FBXW11: variants seen among roughly 807,000 people sequenced by gnomAD.
The protein encoded by FBXW11 is F-box/WD repeat-containing protein 11.
In FBXW11, 19 loss-of-function variants were observed where a neutral mutation model predicts 77.6. That is an observed-to-expected ratio of 0.24 (90% CI 0.17 to 0.36). The LOEUF is 0.36. FBXW11 is among the 10% of genes least tolerant of loss of function. The pLI is 1.00. For synonymous variants in FBXW11, 235 were observed against 249.4 expected (o/e 0.94, Z 0.54); for missense variants, 334 against 704.2 (o/e 0.47, Z 5.95).
chr5:171,884,234 T>C (rs1758724798), intron 7 of FBXW11, among the ~76,000 whole-genome samples: 1 of 152,240 alleles, frequency 6.6e-6, no homozygotes, highest in South Asian at 2.1e-4. Flanking sequence ...GAGATGAGGA[T>C]CCAGTTTCAT....
intron 7 of FBXW11, among the ~76,000 whole-genome samples, chr5:171,884,311 T>A (rs974308355): frequency 6.6e-6 from 1 of 152,208 alleles, no homozygotes; most frequent in Admixed American, 6.5e-5. Flanking sequence ...TTCCCCACTT[T>A]TATATTTTTG....
rs1343183461 is a variant in FBXW11 at position 171,869,680 on chromosome 5, G to A, written c.1530+49C>T. 4 of 1,438,968 alleles carry A rather than the reference G, an allele frequency of 2.8e-6. No individual in the cohort carries two copies. Among genetic ancestry groups the A allele is most frequent in the Non-Finnish European group, 3.8e-6 (4 of 1,042,790 alleles). The allele number at this position is 1,438,968 out of a possible 1,614,324, so 89.1% of individuals were successfully genotyped here. A position where few individuals can be genotyped will look rare whatever the true frequency, so the allele number is the denominator to read the frequency against. On this transcript the variant is annotated intron_variant, in intron 12 of 13. Transcript: ENST00000517395. This position sits in a 1 kb window ranked among gnomAD's most constrained non-coding sequence, Gnocchi z 4.1. ...ACCTAGACAGGACTATCTGCAAATG[G>A]TCATCCTCCAGCACAGGGAACCAAT...
intron 10 of FBXW11, among the ~76,000 whole-genome samples, 195 bp downstream of exon 10, chr5:171,872,677 G>C (rs1446412569): frequency 6.6e-6 from 1 of 152,144 alleles, no homozygotes; most frequent in African/African-American, 2.4e-5. Context: ...GGGGAATCTT[G>C]GAAGAACACC....
In FBXW11 at chr5:171,987,432, A is replaced by G. The variant is rs181125924; in HGVS notation, c.45+19026T>C. ...AACTTCTGCTCGAGCCTCAAAGGGT[A>G]AGTTTTTTTGGGTTTTTTTTGTTTG... is the stretch of plus-strand genomic sequence containing the variant. On this transcript the variant is annotated intron_variant, in intron 1 of 13. Coordinates refer to ENST00000517395, the MANE Select transcript of FBXW11 (RefSeq NM_001378974.1). 4.7e-3 allele frequency among the ~76,000 whole-genome samples: 715 copies of G among 151,992 alleles called. 5 individuals carry two copies. Among genetic ancestry groups the G allele is most frequent in the African/African-American group, 0.016 (682 of 41,472 alleles).
At chr5:171,907,924 C>T (rs879289811) in intron 4 of FBXW11, among the ~76,000 whole-genome samples, 21 of 152,202 alleles carry the variant, frequency 1.4e-4, no homozygotes, top group Middle Eastern at 3.2e-3. Context: ...CACCTTGTGG[C>T]TACTCTGCAA....
intron 10 of FBXW11, among the ~76,000 whole-genome samples, chr5:171,871,859 A>C (rs1055308108): frequency 6.6e-6 from 1 of 152,224 alleles, no homozygotes; most frequent in Non-Finnish European, 1.5e-5. Flanking sequence ...CTATGACTCC[A>C]AAGTAGTTCC....
chr5:171,866,785 C>G lies in FBXW11; in HGVS notation c.*25+1825G>C, dbSNP rs10058252. On this transcript the variant is annotated intron_variant, in intron 13 of 13. Coordinates refer to ENST00000517395, the MANE Select transcript of FBXW11 (RefSeq NM_001378974.1). The stretch of plus-strand genomic sequence containing the variant: ...GAGGTCAGGGGGAGGAGCAATCACT[C>G]AAGAGATCCTTGTCTCCTTCCTCTG... 9.3e-3 allele frequency among the ~76,000 whole-genome samples: 1,409 copies of G among 152,272 alleles called. 25 individuals are homozygous for G. Among genetic ancestry groups the G allele is most frequent in the African/African-American group, 0.032 (1,343 of 41,546 alleles).
intron 2 of FBXW11, among the ~76,000 whole-genome samples, chr5:171,933,130 CAAA>C (rs774171489): frequency 1.1e-4 from 4 of 36,810 alleles, no homozygotes; most frequent in Non-Finnish European, 1.6e-4. Flanking sequence ...GACCTTCTCT[CAAA>C]AAAAAAAAAA....
chr5:171,885,993 A>T (rs1241021638), intron 7 of FBXW11, among the ~76,000 whole-genome samples: 1 of 152,222 alleles, frequency 6.6e-6, no homozygotes, highest in Non-Finnish European at 1.5e-5. Flanking sequence ...CTACTATTCT[A>T]TGTCTTATTA....
At chr5:171,961,834 A>G (rs1049897681) in intron 1 of FBXW11, among the ~76,000 whole-genome samples, 1 of 152,062 alleles carries the variant, frequency 6.6e-6, no homozygotes, top group African/African-American at 2.4e-5. Flanking sequence ...TTTAGTAGAG[A>G]CGGGGTTTCA....
intron 7 of FBXW11, among the ~76,000 whole-genome samples, chr5:171,883,791 T>G (rs529609630): frequency 6.6e-6 from 1 of 152,344 alleles, no homozygotes; most frequent in South Asian, 2.1e-4. Context: ...ATTGACTATT[T>G]TGTATATCTT....
chr5:171,953,814 C>T (rs189878932), intron 2 of FBXW11, among the ~76,000 whole-genome samples: 57 of 152,292 alleles, frequency 3.7e-4, no homozygotes, highest in African/African-American at 1.3e-3. Flanking sequence ...AGGGTTCTTT[C>T]TACCAAGCTA....
chr5:171,962,758 C>A (rs1014932606), intron 1 of FBXW11, among the ~76,000 whole-genome samples: 2 of 152,196 alleles, frequency 1.3e-5, no homozygotes, highest in Non-Finnish European at 2.9e-5. Flanking sequence ...ACCTTGTATT[C>A]TGATTGGCTC....
chr5:171,932,275 A>G (rs1353808706), intron 2 of FBXW11, among the ~76,000 whole-genome samples: 1 of 152,214 alleles, frequency 6.6e-6, no homozygotes, highest in African/African-American at 2.4e-5. Context: ...AGATATACAG[A>G]TGACAAATAA....
intron 1 of FBXW11, among the ~76,000 whole-genome samples, chr5:171,987,293 A>G (rs1434032056): frequency 6.6e-6 from 1 of 152,114 alleles, no homozygotes; most frequent in African/African-American, 2.4e-5. Context: ...CAATACACAG[A>G]ATTACTTACT....
intron 2 of FBXW11, among the ~76,000 whole-genome samples, chr5:171,930,747 T>TAAAAAAAAAAAAAAAAAAA (rs1204789808): frequency 7.2e-5 from 3 of 41,514 alleles, no homozygotes; most frequent in Admixed American, 2.7e-4. Flanking sequence ...AAATAAAAAA[T>TAAAAAAAAAAAAAAAAAAA]AAAAAATAAA....
In FBXW11 at chr5:171,970,216, G is replaced by T. The variant is rs377068261; in HGVS notation, c.46-12518C>A. Among the ~76,000 whole-genome samples, 11 of 152,326 alleles carry T rather than the reference G, an allele frequency of 7.2e-5. No individual in the cohort carries two copies. The East Asian group carries it at 1.7e-3, about 24-fold the overall frequency. On this transcript the variant is annotated intron_variant, in intron 1 of 13. Transcript: ENST00000517395. ...TCCCATTGTAATCCCTCGAAGGAGGGACTTGGTGGGAGGTGACTGGATCAT... is the reference window on the plus strand; with the variant it reads ...TCCCATTGTAATCCCTCGAAGGAGGTACTTGGTGGGAGGTGACTGGATCAT...
intron 1 of FBXW11, among the ~76,000 whole-genome samples, chr5:171,967,354 T>C (rs1328284080): frequency 5.3e-5 from 8 of 152,192 alleles, no homozygotes; most frequent in Non-Finnish European, 7.3e-5. Flanking sequence ...AGATTAGGGA[T>C]TACCCATAAG....
Position 171,908,394 on chromosome 5 carries a change from C to A in FBXW11, c.436+2178G>T, listed in dbSNP as rs201039457. Among the ~76,000 whole-genome samples the A allele has an allele frequency of 5.3e-5, 8 of 152,232 alleles. No individual in the cohort carries two copies. The East Asian group carries it at 1.5e-3, about 29-fold the overall frequency. On this transcript the variant is annotated intron_variant, in intron 4 of 13. Coordinates refer to ENST00000517395, the MANE Select transcript of FBXW11 (RefSeq NM_001378974.1). Reference sequence around the variant, plus strand: ...TTAGCCGTTGTACTAATTTTTGAACCAACCCCTACCATCATTCACATCACC... The same window carrying A: ...TTAGCCGTTGTACTAATTTTTGAACAAACCCCTACCATCATTCACATCACC...
Sources: gnomAD v4.1 joint callset for allele counts (sites outside exome capture counted in the v4.1 genomes callset) on GRCh38, gnomAD v4.1.1 for gene constraint, Gnocchi (gnomAD v3.1) non-coding constraint, MANE v1.5 for transcripts, NCBI Gene and HGNC (gene_info 2026-07-23, HGNC 2026-07-21) for gene names.